TGFBR3: variants seen among roughly 807,000 people sequenced by gnomAD.
TGFBR3 encodes the protein transforming growth factor beta receptor 3.
Under a neutral mutation model 87.9 loss-of-function variants are expected in TGFBR3, and 46 were observed. The observed-to-expected ratio is 0.52, with a 90% CI of 0.41 to 0.67. The LOEUF (loss-of-function observed/expected upper bound fraction) is 0.67, where lower values mean the gene tolerates loss of function less well. TGFBR3 is among the 30% of genes least tolerant of loss of function. TGFBR3 has a pLI of 0.00. For missense variants in TGFBR3, 866 were observed against 1,041.9 expected, an observed-to-expected ratio of 0.83 and a Z score of 2.32; for synonymous variants, 381 against 391.6, an observed-to-expected ratio of 0.97 and a Z score of 0.32.
intron 1 of TGFBR3, among the ~76,000 whole-genome samples, chr1:91,871,141 CT>C (rs1678568234): frequency 6.6e-6 from 1 of 152,078 alleles, no homozygotes; most frequent in South Asian, 2.1e-4. Context: ...CGCCCATGCT[CT>C]TAACTACTAC....
At chr1:91,801,831 T>C (rs1010821210) in intron 2 of TGFBR3, among the ~76,000 whole-genome samples, 1 of 152,180 alleles carries the variant, frequency 6.6e-6, no homozygotes, top group Non-Finnish European at 1.5e-5. Flanking sequence ...GTATAATTTT[T>C]CAGTGGTATC....
chr1:91,683,952 A>C, intron 16 of TGFBR3, 95 bp from the exon 17 acceptor site: 1 of 1,224,180 alleles, frequency 8.2e-7, no homozygotes, highest in Non-Finnish European at 1.2e-6. Flanking sequence ...TGCCATTTTA[A>C]CTGATATTTT....
At position 91,695,675 on chromosome 1, in the gene TGFBR3, T is replaced by C. The variant is rs1233688518; in HGVS notation, c.2434A>G (p.Thr812Ala). 6.2e-7 allele frequency: 1 copy of C among 1,613,506 alleles called. No homozygotes were observed. Among genetic ancestry groups the C allele is most frequent in the East Asian group, 2.2e-5 (1 of 44,888 alleles). The change falls in exon 16 of 17, where the codon ACA (threonine) becomes GCA (alanine). Residue 812 changes from threonine to alanine, a missense_variant. Coordinates refer to ENST00000212355, the MANE Select transcript of TGFBR3 (RefSeq NM_003243.5). ...TGALWYIYSH[T>A]GETAGRQQVP... The stretch of plus-strand genomic sequence containing the variant: ...CTTACTCAACAGTCACACTAACCTG[T>C]GTGAGAATAGATGTACCACAAGGCC...
chr1:91,744,838 T>C (rs1240707842), intron 4 of TGFBR3, among the ~76,000 whole-genome samples: 1 of 152,176 alleles, frequency 6.6e-6, no homozygotes, highest in African/African-American at 2.4e-5. Flanking sequence ...TCTGCACTGA[T>C]GATAAAAAGC....
intron 2 of TGFBR3, among the ~76,000 whole-genome samples, chr1:91,861,219 T>C (rs572156096): frequency 1.3e-5 from 2 of 151,942 alleles, no homozygotes; most frequent in Non-Finnish European, 2.9e-5. Context: ...CTGAGCAACA[T>C]AGGAAACCCT....
At chr1:91,841,196 T>C (rs1003861127) in intron 2 of TGFBR3, among the ~76,000 whole-genome samples, 2 of 152,208 alleles carry the variant, frequency 1.3e-5, no homozygotes, top group Non-Finnish European at 2.9e-5. Flanking sequence ...TCACATCAAA[T>C]GGTGTTCCAT....
At chr1:91,700,867 A>G (rs1198890367) in intron 14 of TGFBR3, among the ~76,000 whole-genome samples, 2 of 152,180 alleles carry the variant, frequency 1.3e-5, no homozygotes, top group Non-Finnish European at 2.9e-5. Flanking sequence ...AAGAGTATCT[A>G]CCCACAAACT....
rs142801883 is a variant in TGFBR3 at position 91,776,933 on chromosome 1, C to G, written c.247-18183G>C. Among the ~76,000 whole-genome samples, 3 of 152,312 alleles carry G rather than the reference C, an allele frequency of 2.0e-5. No individual in the cohort carries two copies. The East Asian group carries it at 5.8e-4, about 29-fold the overall frequency. ...TTGCTCCCCAAATCTCACCGTAGTT[C>G]TGGAGACTTCTGAATCTAACAAACA... is the stretch of plus-strand genomic sequence containing the variant. On this transcript the variant is annotated intron_variant, in intron 3 of 16. Coordinates refer to ENST00000212355, the MANE Select transcript of TGFBR3 (RefSeq NM_003243.5).
At chr1:91,853,816 A>T (rs1399713524) in intron 2 of TGFBR3, among the ~76,000 whole-genome samples, 3 of 152,186 alleles carry the variant, frequency 2.0e-5, no homozygotes, top group African/African-American at 7.2e-5. Flanking sequence ...GTTCGAGACC[A>T]GCGTGGCCAA....
Position 91,817,880 on chromosome 1 carries a change from G to GAAA in TGFBR3, c.62-20412_62-20410dup, listed in dbSNP as rs5776119. 9.8e-3 allele frequency among the ~76,000 whole-genome samples: 1,366 copies of GAAA among 139,070 alleles called. 33 individuals carry two copies. Among genetic ancestry groups the GAAA allele is most frequent in the African/African-American group, 0.03 (1,124 of 37,762 alleles). The allele number at this position is 139,070 out of a possible 152,430, so 91.2% of individuals were successfully genotyped here. ...TTTCTGAAGGATGCTACTGATAACA[G>GAAA]AAAAAAAAAAAAAAAGTCAATATAC... On this transcript the variant is annotated intron_variant, in intron 2 of 16. Transcript: ENST00000212355.
At chr1:91,759,709 A>T (rs1451833351) in intron 3 of TGFBR3, among the ~76,000 whole-genome samples, 1 of 152,346 alleles carries the variant, frequency 6.6e-6, no homozygotes, top group African/African-American at 2.4e-5. Context: ...AACAGAGTGA[A>T]CTCATCAAAC....
intron 8 of TGFBR3, among the ~76,000 whole-genome samples, chr1:91,721,081 G>T (rs999419050): frequency 3.9e-5 from 6 of 152,102 alleles, no homozygotes; most frequent in African/African-American, 1.4e-4. Flanking sequence ...GCCAACTGAT[G>T]TACACTTGAG....
chr1:91,741,442 A>C (rs942197544), intron 4 of TGFBR3, among the ~76,000 whole-genome samples: 2 of 151,918 alleles, frequency 1.3e-5, no homozygotes, highest in African/African-American at 2.4e-5. Context: ...TCCAAACCCT[A>C]CCCCACAGAT....
At chr1:91,716,800 T>C in intron 10 of TGFBR3, 92 bp from the exon 11 acceptor site, 6 of 1,476,378 alleles carry the variant, frequency 4.1e-6, no homozygotes, top group Non-Finnish European at 5.7e-6. Context: ...GTAATCATTC[T>C]GATGCAAATT....
chr1:91,822,357 C>T (rs956407880), intron 2 of TGFBR3, among the ~76,000 whole-genome samples: 1 of 134,350 alleles, frequency 7.4e-6, no homozygotes, highest in Non-Finnish European at 1.6e-5. Flanking sequence ...CAAACATAAA[C>T]TTCATTTTCC....
At chr1:91,850,080 C>CA (rs376631972) in intron 2 of TGFBR3, among the ~76,000 whole-genome samples, 2,766 of 51,664 alleles carry the variant, frequency 0.054, 159 homozygotes, top group African/African-American at 0.11. Context: ...GACTCCATCT[C>CA]AAAAAAAAAA....
At chr1:91,856,908 C>T (rs1448762478) in intron 2 of TGFBR3, among the ~76,000 whole-genome samples, 1 of 152,188 alleles carries the variant, frequency 6.6e-6, no homozygotes, top group Non-Finnish European at 1.5e-5. Flanking sequence ...GATTCTAGAG[C>T]CAAACTGCCA....
At chr1:91,746,532 T>A (rs1673353127) in intron 4 of TGFBR3, among the ~76,000 whole-genome samples, 1 of 152,192 alleles carries the variant, frequency 6.6e-6, no homozygotes, top group Non-Finnish European at 1.5e-5. Flanking sequence ...AAAATGTTGG[T>A]ATCATTACTA....
upstream of TGFBR3, among the ~76,000 whole-genome samples, chr1:91,888,645 T>A (rs1243839581): frequency 6.6e-6 from 1 of 152,092 alleles, no homozygotes; most frequent in Admixed American, 6.5e-5. Context: ...GAGGTTGCAG[T>A]GAGCTGAGAT....
Sources: gnomAD v4.1 joint callset for allele counts (sites outside exome capture counted in the v4.1 genomes callset) on GRCh38, gnomAD v4.1.1 for gene constraint, MANE v1.5 for transcripts, NCBI Gene and HGNC (gene_info 2026-07-23, HGNC 2026-07-21) for gene names.